PRH1: variants seen among roughly 807,000 people sequenced by gnomAD.
PRH1 encodes the protein proline rich protein HaeIII subfamily 1, also known as salivary acidic proline-rich phosphoprotein 1/2.
PRH1 carries 7 observed loss-of-function variants against 7.9 expected under a neutral mutation model. That is an observed-to-expected ratio of 0.89 (90% CI 0.50 to 1.67). The LOEUF is 1.67. PRH1 is among the 40% of genes most tolerant of loss of function. The probability of loss-of-function intolerance (pLI) is 0.00; values close to 1 mark genes in which losing one functional copy is unlikely to be tolerated. For synonymous variants in PRH1, 45 were observed against 80.8 expected (o/e 0.56, Z 2.38); for missense variants, 109 against 223.6 (o/e 0.49, Z 3.27).
chr12:10,913,825 C>T lies in PRH1; in HGVS notation c.-58-29550G>A, dbSNP rs547501705. Among the ~76,000 whole-genome samples the T allele has an allele frequency of 4.6e-5, 7 of 152,210 alleles. No homozygotes were observed. In the East Asian group the frequency reaches 1.2e-3, roughly 25 times the overall value. On this transcript the variant is annotated intron_variant, in intron 2 of 3. Coordinates refer to the PRH1 transcript ENST00000539853. ...CTTGCCTTGACACTCAAACAAGGGT[C>T]AATAAACCATCTATCAGCCTGGATT...
intron 2 of PRH1, among the ~76,000 whole-genome samples, chr12:10,893,571 T>C (rs2135797033): frequency 6.6e-6 from 1 of 152,336 alleles, no homozygotes; most frequent in South Asian, 2.1e-4. Flanking sequence ...AGAACCACTG[T>C]CCTAAAGGGA....
chr12:11,008,162 T>C (rs1940910876), intron 1 of PRH1, among the ~76,000 whole-genome samples: 1 of 152,030 alleles, frequency 6.6e-6, no homozygotes, highest in Non-Finnish European at 1.5e-5. Flanking sequence ...GGTGACATGA[T>C]GTCAAATTTC....
chr12:10,914,773 A>G (rs1304054401), intron 2 of PRH1, among the ~76,000 whole-genome samples: 1 of 152,218 alleles, frequency 6.6e-6, no homozygotes, highest in Non-Finnish European at 1.5e-5. Context: ...GAGATTTTGC[A>G]GAGCTGGAAG....
chr12:11,127,199 G>GTC (rs1259384683), intron 1 of PRH1, among the ~76,000 whole-genome samples: 1 of 151,998 alleles, frequency 6.6e-6, no homozygotes, highest in Non-Finnish European at 1.5e-5. Context: ...AATACTATAT[G>GTC]CTTGTTATAA....
chr12:11,044,844 T>C (rs1424421015), intron 1 of PRH1, among the ~76,000 whole-genome samples: 1 of 152,170 alleles, frequency 6.6e-6, no homozygotes, highest in Non-Finnish European at 1.5e-5. Flanking sequence ...GGAACCATTC[T>C]ACACCTCAGG....
chr12:10,966,908 G>A (rs145499374), intron 2 of PRH1, among the ~76,000 whole-genome samples: 1 of 152,154 alleles, frequency 6.6e-6, no homozygotes, highest in Non-Finnish European at 1.5e-5. Context: ...GAGATCAGGG[G>A]ATCGAGACCA....
downstream of PRH1, among the ~76,000 whole-genome samples, chr12:11,117,867 G>A (rs1471896459): frequency 6.6e-6 from 1 of 152,136 alleles, no homozygotes; most frequent in Non-Finnish European, 1.5e-5. Flanking sequence ...ATATCCATAT[G>A]CAGAAGAATG....
chr12:11,170,360 C>A (rs1231882394), intron 1 of PRH1, among the ~76,000 whole-genome samples: 5 of 152,150 alleles, frequency 3.3e-5, no homozygotes, highest in South Asian at 2.1e-4. Flanking sequence ...TCCTGGCTAA[C>A]ACGGTGAAAC....
At chr12:10,987,958 C>T (rs1217600232) in intron 1 of PRH1, among the ~76,000 whole-genome samples, 1 of 152,090 alleles carries the variant, frequency 6.6e-6, no homozygotes, top group Non-Finnish European at 1.5e-5. Context: ...GTAGATTTCA[C>T]ACCGAGGTTT....
At chr12:11,149,072 G>A (rs368506600) in intron 1 of PRH1, among the ~76,000 whole-genome samples, 2,247 of 151,262 alleles carry the variant, frequency 0.015, 17 homozygotes, top group Middle Eastern at 0.031. Context: ...GTTTATTTGC[G>A]TAGAGGTGTT....
chr12:10,939,386 T>TA (rs1950354377), intron 2 of PRH1: 1 of 496,696 alleles, frequency 2.0e-6, no homozygotes, highest in South Asian at 4.1e-5. Flanking sequence ...GCTCTCTTCA[T>TA]AAAAATCTCT....
intron 2 of PRH1, among the ~76,000 whole-genome samples, chr12:10,917,457 A>T (rs1350138245): frequency 6.6e-6 from 1 of 152,158 alleles, no homozygotes; most frequent in African/African-American, 2.4e-5. Context: ...GGATCATGTC[A>T]TATTGATCTT....
chr12:11,041,288 C>CAAAAA (rs67144212), intron 1 of PRH1, among the ~76,000 whole-genome samples: 8 of 81,364 alleles, frequency 9.8e-5, no homozygotes, highest in African/African-American at 2.7e-4. Flanking sequence ...CAATGCAAAC[C>CAAAAA]AAAAAAAAAA....
In PRH1 at chr12:10,930,310, T is replaced by C. The variant is rs543930742; in HGVS notation, c.-59+43345A>G. The C allele has an allele frequency of 1.9e-5, 30 of 1,610,596 alleles. No homozygotes were observed. In the East Asian group the frequency reaches 6.0e-4, roughly 32 times the overall value. ...CGTTCCCTTGGTAATATCAGGTAAATCCCAATAAATTCTCAGTAAACTCTG... is the reference window on the plus strand; with the variant it reads ...CGTTCCCTTGGTAATATCAGGTAAACCCCAATAAATTCTCAGTAAACTCTG... On this transcript the variant is annotated intron_variant, in intron 2 of 3. Transcript: ENST00000539853.
chr12:10,981,864 A>AT (rs3033036), intron 1 of PRH1, among the ~76,000 whole-genome samples: 22,894 of 141,522 alleles, frequency 0.16, 1,975 homozygotes, highest in African/African-American at 0.2. Flanking sequence ...CAAACAACTA[A>AT]TTTTTTTTTT....
At chr12:10,908,883 A>G (rs1285282885) in intron 2 of PRH1, 2 of 1,612,794 alleles carry the variant, frequency 1.2e-6, no homozygotes, top group Non-Finnish European at 1.7e-6. Flanking sequence ...AAATAAGAAG[A>G]CCAAGGTTCC....
intron 2 of PRH1, among the ~76,000 whole-genome samples, chr12:10,912,896 C>G (rs1471546700): frequency 6.6e-6 from 1 of 152,118 alleles, no homozygotes; most frequent in Non-Finnish European, 1.5e-5. Context: ...GTGTTTCATA[C>G]ATCCACTAGA....
intron 1 of PRH1, among the ~76,000 whole-genome samples, chr12:10,988,813 T>G (rs953070649): frequency 2.6e-5 from 4 of 152,054 alleles, no homozygotes; most frequent in Non-Finnish European, 2.9e-5. Flanking sequence ...TTCCTTGATT[T>G]TCTTTTTTTT....
At chr12:10,938,626 G>A (rs1291022999) in intron 2 of PRH1, 32 of 1,613,608 alleles carry the variant, frequency 2.0e-5, no homozygotes, top group Non-Finnish European at 2.6e-5. Context: ...ACATTGCCAG[G>A]GACAAAGTAA....
Sources: allele counts gnomAD v4.1 joint callset (sites outside exome capture counted in the v4.1 genomes callset), GRCh38; gene constraint gnomAD v4.1.1; transcripts MANE v1.5; gene names NCBI Gene and HGNC (gene_info 2026-07-23, HGNC 2026-07-21).